The following KL variants were observed in gnomAD, a reference collection of about 807,000 sequenced individuals.
KL encodes alpha-klotho.
In KL, 62 loss-of-function variants were observed where a neutral mutation model predicts 84.2. The observed-to-expected ratio is 0.74, with a 90% CI of 0.60 to 0.91. The LOEUF is 0.91. KL is among the 40% of genes least tolerant of loss of function. The pLI is 0.00. For synonymous variants in KL, 528 were observed against 528.0 expected (o/e 1.00, Z 0.00); for missense variants, 1,261 against 1,305.7 (o/e 0.97, Z 0.53).
intron 1 of KL, among the ~76,000 whole-genome samples, chr13:33,036,543 A>G (rs1392188272): frequency 6.6e-6 from 1 of 152,180 alleles, no homozygotes; most frequent in Non-Finnish European, 1.5e-5. Context: ...CTAATATAGG[A>G]CAGTCACATG....
In KL at chr13:33,055,140, G is replaced by A; in HGVS notation, c.1424G>A (p.Gly475Glu). 1 of 1,614,176 alleles carries A rather than the reference G, an allele frequency of 6.2e-7. No individual in the cohort carries two copies. Reference protein sequence around the residue: ...EWHRGYSIRRGLFYVDFLSQD... With the variant: ...EWHRGYSIRRELFYVDFLSQD... ...CACAGAGGTTACAGCATCAGGCGTGGACTCTTCTATGTTGACTTTCTAAGC... is the reference window on the plus strand; with the variant it reads ...CACAGAGGTTACAGCATCAGGCGTGAACTCTTCTATGTTGACTTTCTAAGC... The change falls in exon 3 of 5, where the codon GGA becomes GAA. Residue 475 changes from glycine to glutamate, a missense_variant. Transcript: ENST00000380099.
intron 1 of KL, among the ~76,000 whole-genome samples, chr13:33,043,573 G>T (rs1182103494): frequency 6.6e-6 from 1 of 152,092 alleles, no homozygotes; most frequent in East Asian, 1.9e-4. Flanking sequence ...TGCTCGTTGG[G>T]GTTTTAATTT....
At chr13:33,044,853 C>T (rs542876181) in intron 1 of KL, among the ~76,000 whole-genome samples, 1 of 151,692 alleles carries the variant, frequency 6.6e-6, no homozygotes, top group Admixed American at 6.6e-5. Context: ...TGTATTCTGC[C>T]AACTTGCTAA....
At chr13:33,053,645 AT>A (rs1368170310) in intron 1 of KL, 121 bp from the exon 2 acceptor site, 1 of 933,372 alleles carries the variant, frequency 1.1e-6, no homozygotes, top group Non-Finnish European at 1.7e-6. Context: ...TGATTTTTAT[AT>A]TGTTAGTCAT....
chr13:33,040,586 T>C (rs957783549), intron 1 of KL, among the ~76,000 whole-genome samples: 1 of 152,224 alleles, frequency 6.6e-6, no homozygotes, highest in African/African-American at 2.4e-5. Flanking sequence ...ACCATTGGTC[T>C]CAGTCCATTT....
chr13:33,034,888 A>ATGT (rs1204244906), intron 1 of KL, among the ~76,000 whole-genome samples: 4 of 152,234 alleles, frequency 2.6e-5, no homozygotes, highest in African/African-American at 9.6e-5. Flanking sequence ...CATGTTGAAT[A>ATGT]TACACCATTG....
intron 1 of KL, among the ~76,000 whole-genome samples, chr13:33,043,779 A>G (rs986564547): frequency 1.3e-5 from 2 of 152,186 alleles, no homozygotes; most frequent in African/African-American, 4.8e-5. Flanking sequence ...ACTAATCATA[A>G]ACAAAAACTG....
chr13:33,061,297 C>G lies in KL; in HGVS notation c.2218C>G (p.Pro740Ala), dbSNP rs146570466. The change falls in exon 4 of 5, where the codon CCT (proline) becomes GCT (alanine). Residue 740 changes from proline to alanine, a missense_variant. Physicochemically the swap from Pro to Ala is conservative, Grantham distance 27 (BLOSUM62 -1). Transcript: ENST00000380099. Reference sequence around the variant, plus strand: ...GGCTGATTGGATAGAACCTGCCTGCCCTTTCTCCCAAAAGGACAAAGAGGT... The same window carrying G: ...GGCTGATTGGATAGAACCTGCCTGCGCTTTCTCCCAAAAGGACAAAGAGGT... ...LQADWIEPAC[P>A]FSQKDKEVAE... The G allele has an allele frequency of 2.5e-6, 4 of 1,614,166 alleles. No homozygotes were observed. In the African/African-American group the frequency reaches 5.3e-5, roughly 22 times the overall value.
At position 33,061,305 on chromosome 13, in the gene KL, C is replaced by G. The variant is rs201355613; in HGVS notation, c.2226C>G (p.Ser742=). The G allele has an allele frequency of 1.4e-5, 23 of 1,614,172 alleles. No homozygotes were observed. In the East Asian group the frequency reaches 5.1e-4, roughly 36 times the overall value. The part of the protein sequence containing the change: ...ADWIEPACPF[S]QKDKEVAERV... ...GGATAGAACCTGCCTGCCCTTTCTCCCAAAAGGACAAAGAGGTGGCTGAGA... is the reference window on the plus strand; with the variant it reads ...GGATAGAACCTGCCTGCCCTTTCTCGCAAAAGGACAAAGAGGTGGCTGAGA... Residue 742 remains serine (S), a synonymous_variant, in exon 4 of 5, where the codon TCC becomes TCG. Coordinates refer to ENST00000380099, the MANE Select transcript of KL (RefSeq NM_004795.4).
chr13:33,050,571 A>G (rs1240403503), intron 1 of KL, among the ~76,000 whole-genome samples: 5 of 152,232 alleles, frequency 3.3e-5, no homozygotes, highest in Middle Eastern at 6.8e-3. Flanking sequence ...GCAGTAAATG[A>G]TATTAGAGAA....
chr13:33,020,846 C>T (rs887852017), intron 1 of KL, among the ~76,000 whole-genome samples: 1 of 152,154 alleles, frequency 6.6e-6, no homozygotes, highest in Non-Finnish European at 1.5e-5. Context: ...GATGGATGCT[C>T]TACAGGGTGA....
At chr13:33,030,017 A>G (rs1870919363) in intron 1 of KL, among the ~76,000 whole-genome samples, 1 of 151,734 alleles carries the variant, frequency 6.6e-6, no homozygotes, top group African/African-American at 2.4e-5. Context: ...GCATCTGGTG[A>G]GAGACTTCTT....
At position 33,045,725 on chromosome 13, in the gene KL, C is replaced by T. The variant is rs550244698; in HGVS notation, c.820-8042C>T. 7.2e-5 allele frequency among the ~76,000 whole-genome samples: 11 copies of T among 152,226 alleles called. No homozygotes were observed. In the South Asian group the frequency reaches 1.7e-3, roughly 23 times the overall value. ...AACTCCTGACCTCAGATGATCCGCC[C>T]GCCTCGGCCTCCCAAAGTGCTGGGA... is the stretch of plus-strand genomic sequence containing the variant. On this transcript the variant is annotated intron_variant, in intron 1 of 4. Coordinates refer to ENST00000380099, the MANE Select transcript of KL (RefSeq NM_004795.4).
At chr13:33,055,451 G>C in intron 3 of KL, 136 bp downstream of exon 3, 1 of 1,079,770 alleles carries the variant, frequency 9.3e-7, no homozygotes, top group Non-Finnish European at 1.4e-6. Context: ...AGTACACTAA[G>C]GGCACAATTT....
chr13:33,061,887 G>A, intron 4 of KL, 107 bp downstream of exon 4: 1 of 1,178,472 alleles, frequency 8.5e-7, no homozygotes, highest in Non-Finnish European at 1.2e-6. Flanking sequence ...TGGAATGGAG[G>A]GCTATCCATT....
At position 33,060,873 on chromosome 13, in the gene KL, C is replaced by A; in HGVS notation, c.1794C>A (p.Asp598Glu). The change falls in exon 4 of 5, where the codon GAC (aspartate) becomes GAA (glutamate). Residue 598 changes from aspartate (D) to glutamate (E), a missense_variant. Asp to Glu is a conservative substitution (Grantham distance 45). Transcript: ENST00000380099. Reference protein sequence around the residue: ...MHVTHFRFSLDWALILPLGNQ... With the variant: ...MHVTHFRFSLEWALILPLGNQ... The stretch of plus-strand genomic sequence containing the variant: ...TTACACATTTTCGCTTCTCCCTGGA[C>A]TGGGCCCTGATTCTCCCTCTGGGTA... The A allele has an allele frequency of 6.2e-7, 1 of 1,614,224 alleles. No homozygotes were observed. The highest frequency in any genetic ancestry group is 1.1e-5 in the South Asian group (1 of 91,084).
intron 1 of KL, among the ~76,000 whole-genome samples, chr13:33,048,183 A>AT (rs1871608496): frequency 6.6e-6 from 1 of 151,856 alleles, no homozygotes; most frequent in African/African-American, 2.4e-5. Flanking sequence ...TATCTAGTAG[A>AT]TTTTTATTAT....
chr13:33,029,025 A>G (rs1397533336), intron 1 of KL, among the ~76,000 whole-genome samples: 1 of 152,208 alleles, frequency 6.6e-6, no homozygotes, highest in African/African-American at 2.4e-5. Context: ...TTGTAGGGCA[A>G]TGTAGGACAG....
Position 33,041,222 on chromosome 13 carries a change from G to T in KL, c.820-12545G>T, listed in dbSNP as rs1010140912. ...GGGAATCACAACAGTGGTCTCCTATGTTGAGAATTGATTAAGAGTCACAAG... is the reference window on the plus strand; with the variant it reads ...GGGAATCACAACAGTGGTCTCCTATTTTGAGAATTGATTAAGAGTCACAAG... On this transcript the variant is annotated intron_variant, in intron 1 of 4. Transcript: ENST00000380099. 2.6e-5 allele frequency among the ~76,000 whole-genome samples: 4 copies of T among 152,064 alleles called. No individual in the cohort carries two copies. The East Asian group carries it at 5.8e-4, about 22-fold the overall frequency.
Sources: gnomAD v4.1 joint callset for allele counts (sites outside exome capture counted in the v4.1 genomes callset) on GRCh38, gnomAD v4.1.1 for gene constraint, MANE v1.5 for transcripts, NCBI Gene and HGNC (gene_info 2026-07-23, HGNC 2026-07-21) for gene names.